ADAMTSL1: variants seen among roughly 807,000 people sequenced by gnomAD.
ADAMTSL1 encodes the protein ADAMTS like 1.
A neutral mutation model predicts 201.8 loss-of-function variants in ADAMTSL1; 126 were observed. That is an observed-to-expected ratio of 0.62 (90% CI 0.54 to 0.72). ADAMTSL1 has a LOEUF of 0.72. ADAMTSL1 is among the 30% of genes least tolerant of loss of function. The pLI is 0.00. For synonymous variants in ADAMTSL1, 1,121 were observed against 903.4 expected, an observed-to-expected ratio of 1.24 and a Z score of -4.32; for missense variants, 2,679 against 2,277.8, an observed-to-expected ratio of 1.18 and a Z score of -3.59.
At chr9:18,339,548 AT>A (rs1230158344) in intron 2 of ADAMTSL1, among the ~76,000 whole-genome samples, 1 of 152,184 alleles carries the variant, frequency 6.6e-6, no homozygotes, top group African/African-American at 2.4e-5. Flanking sequence ...CAGTTTGGCA[AT>A]TTCTCAAAGA....
chr9:18,074,004 A>G (rs1823082072), intron 1 of ADAMTSL1, among the ~76,000 whole-genome samples: 1 of 151,708 alleles, frequency 6.6e-6, no homozygotes, highest in Admixed American at 6.6e-5. Context: ...TTGAAAAGGG[A>G]GGCAGTGCAG....
At chr9:18,623,785 A>G (rs1363400086) in intron 5 of ADAMTSL1, among the ~76,000 whole-genome samples, 3 of 152,228 alleles carry the variant, frequency 2.0e-5, no homozygotes, top group Non-Finnish European at 4.4e-5. Context: ...AGATTTTGCT[A>G]CTATGCAGAA....
Position 17,910,142 on chromosome 9 carries a change from C to G in ADAMTSL1, c.87+3220C>G, listed in dbSNP as rs1292780764. ...TGGTCGAGGCCCTTACCTTCCACTT[C>G]CTCATCTGTTAAGTGAGGGTGTTGG... On this transcript the variant is annotated intron_variant, in intron 1 of 29. Coordinates refer to the ADAMTSL1 transcript ENST00000680146. Among the ~76,000 whole-genome samples the G allele has an allele frequency of 2.2e-4, 15 of 68,158 alleles. 4 individuals carry two copies. Among genetic ancestry groups the G allele is most frequent in the African/African-American group, 3.8e-4 (13 of 34,034 alleles). The allele number at this position is 68,158 out of a possible 152,430, so 44.7% of individuals were successfully genotyped here. A position where few individuals can be genotyped will look rare whatever the true frequency, so the allele number is the denominator to read the frequency against.
chr9:18,698,755 G>A (rs1181201661), intron 13 of ADAMTSL1, among the ~76,000 whole-genome samples: 1 of 152,200 alleles, frequency 6.6e-6, no homozygotes, highest in Non-Finnish European at 1.5e-5. Context: ...CAATTATTTT[G>A]AATGCCATTG....
chr9:18,266,715 C>T (rs982431297), intron 2 of ADAMTSL1, among the ~76,000 whole-genome samples: 1 of 152,084 alleles, frequency 6.6e-6, no homozygotes, highest in Non-Finnish European at 1.5e-5. Context: ...GGGGCCCTAT[C>T]GATTAACCCC....
At chr9:18,871,136 C>T (rs1337033836) in intron 23 of ADAMTSL1, among the ~76,000 whole-genome samples, 1 of 152,094 alleles carries the variant, frequency 6.6e-6, no homozygotes, top group African/African-American at 2.4e-5. Flanking sequence ...ATTTCACTAC[C>T]TTTGGATTTT....
At chr9:18,424,269 A>C (rs184280652) in intron 2 of ADAMTSL1, among the ~76,000 whole-genome samples, 227 of 152,302 alleles carry the variant, frequency 1.5e-3, no homozygotes, top group Non-Finnish European at 2.3e-3. Context: ...CTGAGAAACA[A>C]TTAATTGCCC....
chr9:18,625,066 C>T (rs192258199), intron 5 of ADAMTSL1, among the ~76,000 whole-genome samples: 26 of 152,228 alleles, frequency 1.7e-4, no homozygotes, highest in East Asian at 1.9e-4. Flanking sequence ...GACTGTGAGG[C>T]GACCCACTGG....
At position 18,908,469 on chromosome 9, in the gene ADAMTSL1, G is replaced by A; in HGVS notation, c.5210G>A (p.Cys1737Tyr). 1 of 1,561,466 alleles carries A rather than the reference G, an allele frequency of 6.4e-7. No individual in the cohort carries two copies. Among genetic ancestry groups the A allele is most frequent in the Non-Finnish European group, 8.7e-7 (1 of 1,152,910 alleles). ...NMECRDTTRY[C>Y]EKVKQLKLCQ... ...GAGTGCAGAGACACCACCAGGTACT[G>A]CGAGAAGGTGAAACAGCTGAAACTC... Residue 1737 changes from cysteine (C) to tyrosine (Y), a missense_variant, in exon 29 of 29, where the codon TGC (cysteine) becomes TAC (tyrosine). By Grantham distance (194) the Cys-to-Tyr change is radical (BLOSUM62 -2). Transcript: ENST00000380548.
intron 23 of ADAMTSL1, among the ~76,000 whole-genome samples, chr9:18,846,014 G>A (rs1469364154): frequency 6.6e-6 from 1 of 152,186 alleles, no homozygotes; most frequent in African/African-American, 2.4e-5. Context: ...ACTTATTCAA[G>A]AAGTATTTAC....
At chr9:18,315,889 G>A (rs1384984763) in intron 2 of ADAMTSL1, among the ~76,000 whole-genome samples, 2 of 152,136 alleles carry the variant, frequency 1.3e-5, no homozygotes, top group African/African-American at 4.8e-5. Flanking sequence ...CTCTCTCTCT[G>A]ATCTAGCAAT....
At chr9:18,649,107 A>T (rs927511239) in intron 7 of ADAMTSL1, among the ~76,000 whole-genome samples, 1 of 151,960 alleles carries the variant, frequency 6.6e-6, no homozygotes, top group Non-Finnish European at 1.5e-5. Flanking sequence ...TTTTTTCTCT[A>T]AACTTCCTTT....
chr9:18,396,578 T>G (rs1310455103), intron 2 of ADAMTSL1, among the ~76,000 whole-genome samples: 1 of 148,348 alleles, frequency 6.7e-6, no homozygotes, highest in Non-Finnish European at 1.5e-5. Context: ...AATTTTACAT[T>G]AATAAATATT....
At chr9:18,562,872 A>G (rs1821616040) in intron 3 of ADAMTSL1, among the ~76,000 whole-genome samples, 1 of 152,146 alleles carries the variant, frequency 6.6e-6, no homozygotes, top group African/African-American at 2.4e-5. Flanking sequence ...CCATCAGGTC[A>G]TTTATGTTCT....
intron 2 of ADAMTSL1, among the ~76,000 whole-genome samples, chr9:18,302,215 C>A (rs1833734111): frequency 6.6e-6 from 1 of 152,016 alleles, no homozygotes; most frequent in African/African-American, 2.4e-5. Flanking sequence ...GGGAACTCCC[C>A]CTGCTGATGG....
At chr9:18,704,990 C>T (rs968137323) in intron 13 of ADAMTSL1, among the ~76,000 whole-genome samples, 5 of 152,196 alleles carry the variant, frequency 3.3e-5, no homozygotes, top group African/African-American at 1.2e-4. Context: ...TCTTGCCATG[C>T]CTCAGAGCAC....
intron 16 of ADAMTSL1, among the ~76,000 whole-genome samples, chr9:18,765,095 T>C (rs550494557): frequency 2.6e-5 from 4 of 152,244 alleles, no homozygotes; most frequent in Non-Finnish European, 4.4e-5. Context: ...TAAGAAACTC[T>C]AACTGAACAG....
intron 1 of ADAMTSL1, among the ~76,000 whole-genome samples, chr9:17,971,065 A>T (rs1818188439): frequency 6.6e-6 from 1 of 152,128 alleles, no homozygotes; most frequent in African/African-American, 2.4e-5. Context: ...ACATATAAAT[A>T]ACTAATTTTG....
intron 2 of ADAMTSL1, among the ~76,000 whole-genome samples, chr9:18,295,060 C>A (rs942903865): frequency 3.9e-5 from 6 of 152,094 alleles, no homozygotes; most frequent in Non-Finnish European, 7.3e-5. Context: ...TTTCCTCTTG[C>A]TGTATGTGTG....
Sources: allele counts gnomAD v4.1 joint callset (sites outside exome capture counted in the v4.1 genomes callset), GRCh38; gene constraint gnomAD v4.1.1; transcripts MANE v1.5; gene names NCBI Gene and HGNC (gene_info 2026-07-23, HGNC 2026-07-21).